Variants in MYO9A observed in about 807,000 individuals in gnomAD.
MYO9A encodes myosin IXA.
In MYO9A, 103 loss-of-function variants were observed where a neutral mutation model predicts 293.3. That is an observed-to-expected ratio of 0.35 (90% confidence interval 0.30 to 0.41). The LOEUF is 0.41. Among genes scored for constraint, MYO9A ranks in the 10% least tolerant of loss-of-function variants. The pLI, the probability that MYO9A is intolerant of heterozygous loss-of-function variation, is 1.00. For synonymous variants in MYO9A, 1,001 were observed against 1,035.7 expected (o/e 0.97, Z 0.64); for missense variants, 2,685 against 3,033.0 (o/e 0.89, Z 2.69).
At chr15:72,101,673 C>T (rs1295068553) in intron 1 of MYO9A, among the ~76,000 whole-genome samples, 2 of 141,012 alleles carry the variant, frequency 1.4e-5, no homozygotes, top group Admixed American at 6.9e-5. Context: ...CCAGCCGCCC[C>T]GTCTGGGAGG....
chr15:71,888,348 G>A (rs2057080490), intron 26 of MYO9A: 1 of 260,290 alleles, frequency 3.8e-6, no homozygotes, highest in Non-Finnish European at 7.2e-6. Context: ...CATATTTTCT[G>A]ACAATTTAAA....
At chr15:71,995,621 TAGA>T (rs1448729308) in intron 9 of MYO9A, among the ~76,000 whole-genome samples, 1 of 152,002 alleles carries the variant, frequency 6.6e-6, no homozygotes, top group Non-Finnish European at 1.5e-5. Flanking sequence ...TCTTAGCACT[TAGA>T]AGAATATAAA....
intron 1 of MYO9A, among the ~76,000 whole-genome samples, chr15:72,071,776 G>T (rs1175164834): frequency 6.6e-6 from 1 of 151,232 alleles, no homozygotes; most frequent in Non-Finnish European, 1.5e-5. Context: ...AAATAAAAAA[G>T]AAATGTCAGT....
intron 14 of MYO9A, among the ~76,000 whole-genome samples, chr15:71,955,678 A>G (rs2146757898): frequency 6.6e-6 from 1 of 152,358 alleles, no homozygotes; most frequent in Middle Eastern, 3.4e-3. Flanking sequence ...TAACAGTTTT[A>G]TTGAAATACA....
intron 18 of MYO9A, among the ~76,000 whole-genome samples, chr15:71,925,315 GTATATGTACATA>G (rs2058277758): frequency 8.8e-5 from 2 of 22,840 alleles, no homozygotes; most frequent in East Asian, 5.2e-4. Context: ...ACGTATATAC[GTATATGTACATA>G]TATACGTATA....
intron 1 of MYO9A, among the ~76,000 whole-genome samples, chr15:72,077,745 AAAAAAAAATATATAT>A (rs1201767988): frequency 1.4e-4 from 6 of 43,604 alleles, no homozygotes; most frequent in African/African-American, 3.6e-4. Context: ...AAAAAAAAAA[AAAAAAAAATATATAT>A]ATATATATAT....
At chr15:71,979,999 T>C (rs2076234195) in intron 11 of MYO9A, among the ~76,000 whole-genome samples, 1 of 152,118 alleles carries the variant, frequency 6.6e-6, no homozygotes, top group South Asian at 2.1e-4. Flanking sequence ...TACAATAACT[T>C]GTTCACCCAT....
Position 71,826,856 on chromosome 15 carries a change from A to C in MYO9A, c.7371T>G (p.Ser2457=). The change falls in exon 42 of 42, where the codon TCT becomes TCG. Residue 2457 remains serine, a synonymous_variant. Coordinates refer to ENST00000356056, the MANE Select transcript of MYO9A (RefSeq NM_006901.4). The stretch of plus-strand genomic sequence containing the variant: ...TACCTGAGGCAGCTCGGTAGAATGG[A>C]GATTTGGAATAAATCTGAAATAGTT... The part of the protein sequence containing the change: ...TRKLFQIYSK[S]PFYRAASGNE... 6.2e-7 allele frequency: 1 copy of C among 1,614,120 alleles called. No homozygotes were observed. The highest frequency in any genetic ancestry group is 8.5e-7 in the Non-Finnish European group (1 of 1,180,012).
chr15:72,109,317 G>C (rs1424222146), intron 1 of MYO9A, among the ~76,000 whole-genome samples: 1 of 151,654 alleles, frequency 6.6e-6, no homozygotes, highest in Non-Finnish European at 1.5e-5. Flanking sequence ...GTGAACCCAG[G>C]AGGTGGAGCA....
chr15:71,931,947 C>G (rs966443500), intron 18 of MYO9A, among the ~76,000 whole-genome samples: 3 of 151,338 alleles, frequency 2.0e-5, no homozygotes, highest in African/African-American at 4.9e-5. Flanking sequence ...TTAGGATGTG[C>G]CAAGTTCCGT....
At chr15:72,056,418 A>G (rs1249831259) in intron 1 of MYO9A, among the ~76,000 whole-genome samples, 1 of 152,242 alleles carries the variant, frequency 6.6e-6, no homozygotes, top group Non-Finnish European at 1.5e-5. Flanking sequence ...CATAAAAAGG[A>G]ACAAAATAAT....
At chr15:71,918,527 T>G (rs1206991980) in intron 18 of MYO9A, among the ~76,000 whole-genome samples, 1 of 152,140 alleles carries the variant, frequency 6.6e-6, no homozygotes, top group Non-Finnish European at 1.5e-5. Context: ...AACACACATG[T>G]AAAAAGGGCA....
At chr15:71,924,238 T>C (rs1010898702) in intron 18 of MYO9A, among the ~76,000 whole-genome samples, 2 of 151,742 alleles carry the variant, frequency 1.3e-5, no homozygotes, top group South Asian at 2.1e-4. Flanking sequence ...TTATTATTAT[T>C]ATCATTATTG....
At chr15:72,043,997 T>C (rs1177225020) in intron 2 of MYO9A, among the ~76,000 whole-genome samples, 1 of 151,752 alleles carries the variant, frequency 6.6e-6, no homozygotes, top group Non-Finnish European at 1.5e-5. Flanking sequence ...TATAACATGA[T>C]GTTTTCATAT....
chr15:71,970,057 G>A (rs1024757793), intron 12 of MYO9A, among the ~76,000 whole-genome samples: 1 of 152,166 alleles, frequency 6.6e-6, no homozygotes, highest in Non-Finnish European at 1.5e-5. Context: ...TTCACAAAAT[G>A]CTGCCTTAAA....
chr15:72,058,765 G>A lies in MYO9A; in HGVS notation c.-71-12131C>T, dbSNP rs368791214. 8.5e-5 allele frequency among the ~76,000 whole-genome samples: 13 copies of A among 152,324 alleles called. No homozygotes were observed. The East Asian group carries it at 2.5e-3, about 29-fold the overall frequency. On this transcript the variant is annotated intron_variant, in intron 1 of 41. Coordinates refer to ENST00000356056, the MANE Select transcript of MYO9A (RefSeq NM_006901.4). ...TGTGGTTCAGAATAGGCCAGCTTAT[G>A]ATGTTATTCACTGGACTGAGTTAGA...
chr15:71,954,558 T>C (rs1009452005), intron 14 of MYO9A, among the ~76,000 whole-genome samples: 2 of 152,246 alleles, frequency 1.3e-5, no homozygotes, highest in Non-Finnish European at 2.9e-5. Flanking sequence ...TGCTAGTTGC[T>C]GGACTGGTTG....
rs1037500645 is a variant in MYO9A at position 71,897,351 on chromosome 15, T to C, written c.5042+110A>G. 1.0e-5 allele frequency: 12 copies of C among 1,166,810 alleles called. No homozygotes were observed. In the African/African-American group the frequency reaches 1.5e-4, roughly 15 times the overall value. The allele number at this position is 1,166,810 out of a possible 1,614,324, so 72.3% of individuals were successfully genotyped here. ...AGGGAATATTTTTACAAAGAGAAAA[T>C]GGCCAAGTTGAGCAGCCACTTTACA... On this transcript the variant is annotated intron_variant, in intron 25 of 41. Transcript: ENST00000356056.
At chr15:71,837,707 C>T (rs781054801) in intron 39 of MYO9A, among the ~76,000 whole-genome samples, 1 of 152,036 alleles carries the variant, frequency 6.6e-6, no homozygotes, top group Non-Finnish European at 1.5e-5. Context: ...AAAATGGAAA[C>T]TCCTACAGCC....
Sources: gnomAD v4.1 joint callset for allele counts (sites outside exome capture counted in the v4.1 genomes callset) on GRCh38, gnomAD v4.1.1 for gene constraint, MANE v1.5 for transcripts, NCBI Gene and HGNC (gene_info 2026-07-23, HGNC 2026-07-21) for gene names.